The following NIPAL3 variants were observed in gnomAD, a reference collection of about 807,000 sequenced individuals.
NIPAL3 encodes NIPA-like protein 3.
In NIPAL3, 41 loss-of-function variants were observed where a neutral mutation model predicts 47.2. That is an observed-to-expected ratio of 0.87 (90% confidence interval 0.68 to 1.13). The LOEUF is 1.13. Ranked by LOEUF, NIPAL3 falls within the 50% of genes most tolerant of loss-of-function variation. The probability of loss-of-function intolerance (pLI) is 0.00; values close to 1 mark genes in which losing one functional copy is unlikely to be tolerated. For synonymous variants in NIPAL3, 194 were observed against 209.6 expected (o/e 0.93, Z 0.64); for missense variants, 449 against 530.1 (o/e 0.85, Z 1.50).
In NIPAL3 at chr1:24,470,901, A is replaced by C. The variant is rs867261530; in HGVS notation, c.*1716A>C. ...TGGGTATCAATTCAACAATATTTAT[A>C]AGGCATTTACTGTGTGCTAAGCATT... is the stretch of plus-strand genomic sequence containing the variant. On this transcript the variant is annotated 3_prime_UTR_variant, in exon 12 of 12. Transcript: ENST00000374399. 1.3e-5 allele frequency: 2 copies of C among 152,252 alleles called. No individual in the cohort carries two copies. The highest frequency in any genetic ancestry group is 3.1e-3 in the Middle Eastern group (1 of 318). 9.4% of individuals were successfully genotyped at this position (152,252 alleles called of 1,614,324 possible).
chr1:24,453,990 T>A (rs1396854500), intron 7 of NIPAL3: 1 of 458,380 alleles, frequency 2.2e-6, no homozygotes, highest in African/African-American at 2.0e-5. Flanking sequence ...AAGAGATAGC[T>A]CCTGAATCAG....
At position 24,471,953 on chromosome 1, in the gene NIPAL3, C is replaced by T. The variant is rs1260002041; in HGVS notation, c.*2768C>T. The T allele has an allele frequency of 6.7e-6, 1 of 150,340 alleles. No homozygotes were observed. The highest frequency in any genetic ancestry group is 1.9e-4 in the East Asian group (1 of 5,130). 9.3% of individuals were successfully genotyped at this position (150,340 alleles called of 1,614,324 possible). A position where few individuals can be genotyped will look rare whatever the true frequency, so the allele number is the denominator to read the frequency against. ...TTTAGATGTGTCAAACCCGGGTGAT[C>T]ATTAATAATTTGGGCATATATATGC... is the stretch of plus-strand genomic sequence containing the variant. On this transcript the variant is annotated 3_prime_UTR_variant, in exon 12 of 12. Coordinates refer to ENST00000374399, the MANE Select transcript of NIPAL3 (RefSeq NM_020448.5).
At chr1:24,461,111 A>G (rs1646448334) in intron 10 of NIPAL3, among the ~76,000 whole-genome samples, 1 of 152,256 alleles carries the variant, frequency 6.6e-6, no homozygotes, top group Non-Finnish European at 1.5e-5. Context: ...TGAAAACAAT[A>G]GAAATGCTCA....
At position 24,449,096 on chromosome 1, in the gene NIPAL3, T is replaced by A. The variant is rs2148824422; in HGVS notation, c.395-385T>A. 6.6e-6 allele frequency among the ~76,000 whole-genome samples: 1 copy of A among 152,324 alleles called. No individual in the cohort carries two copies. The highest frequency in any genetic ancestry group is 3.4e-3 in the Middle Eastern group (1 of 294). On this transcript the variant is annotated intron_variant, in intron 5 of 11. Transcript: ENST00000374399. This position sits in a 1 kb window ranked among gnomAD's most constrained non-coding sequence, Gnocchi z 4.5. The stretch of plus-strand genomic sequence containing the variant: ...GCACAAAGCTAGGCAAAGCCATCAG[T>A]GCTGTTACAGGTCAAGATAGTGTAA...
chr1:24,418,777 C>T (rs1202764429), intron 1 of NIPAL3, among the ~76,000 whole-genome samples: 3 of 152,094 alleles, frequency 2.0e-5, no homozygotes, highest in Non-Finnish European at 4.4e-5. Context: ...TTTCCACCTC[C>T]GAGACCAGTG....
intron 2 of NIPAL3, among the ~76,000 whole-genome samples, chr1:24,435,877 C>T (rs1645079502): frequency 6.6e-6 from 1 of 152,164 alleles, no homozygotes; most frequent in Admixed American, 6.5e-5. Context: ...CTTATAAAAA[C>T]AGAAATGTAT....
At chr1:24,447,420 A>T (rs1385515768) in intron 5 of NIPAL3, among the ~76,000 whole-genome samples, 1 of 152,194 alleles carries the variant, frequency 6.6e-6, no homozygotes, top group Non-Finnish European at 1.5e-5. Context: ...GAAAAATTTT[A>T]AAACAGAACT....
At chr1:24,447,837 A>C (rs1248963255) in intron 5 of NIPAL3, among the ~76,000 whole-genome samples, 4 of 152,248 alleles carry the variant, frequency 2.6e-5, no homozygotes, top group Non-Finnish European at 5.9e-5. Flanking sequence ...TGAGCAGACC[A>C]TGGGCTGGAT....
chr1:24,455,985 G>A (rs189199344), intron 7 of NIPAL3, among the ~76,000 whole-genome samples, 153 bp from the exon 8 acceptor site: 1 of 152,156 alleles, frequency 6.6e-6, no homozygotes, highest in South Asian at 2.1e-4. Context: ...CAGTGCAAAC[G>A]GCGTCTGTCA....
upstream of NIPAL3, chr1:24,413,774 G>A (rs1557470837): frequency 6.6e-6 from 1 of 152,284 alleles, no homozygotes; most frequent in Non-Finnish European, 1.5e-5. Context: ...CCGTCCGCGA[G>A]GTAACTCCAG....
intron 2 of NIPAL3, among the ~76,000 whole-genome samples, chr1:24,433,556 A>C (rs1204076469): frequency 6.6e-6 from 1 of 152,214 alleles, no homozygotes; most frequent in East Asian, 1.9e-4. Context: ...GCCCAGAGTA[A>C]ATTCCTCCTT....
intron 3 of NIPAL3, among the ~76,000 whole-genome samples, chr1:24,440,509 T>A (rs1645329610): frequency 6.6e-6 from 1 of 152,212 alleles, no homozygotes; most frequent in African/African-American, 2.4e-5. Flanking sequence ...TCTGGTCTCA[T>A]CCCTCTTTGC....
intron 3 of NIPAL3, among the ~76,000 whole-genome samples, chr1:24,441,255 C>G (rs2235557): frequency 0.21 from 32,462 of 152,116 alleles, 3,673 homozygotes; most frequent in East Asian, 0.28. Flanking sequence ...CTCTATGCAT[C>G]TCAGCTCTGG....
At chr1:24,435,040 T>C (rs1034966607) in intron 2 of NIPAL3, among the ~76,000 whole-genome samples, 5 of 152,196 alleles carry the variant, frequency 3.3e-5, no homozygotes, top group African/African-American at 1.2e-4. Context: ...GACAATATGG[T>C]ACTGGCATAA....
At chr1:24,423,228 C>T (rs1644413363) in intron 2 of NIPAL3, among the ~76,000 whole-genome samples, 1 of 152,248 alleles carries the variant, frequency 6.6e-6, no homozygotes, top group Non-Finnish European at 1.5e-5. Context: ...TATTCAGAGT[C>T]TACACCATTT....
intron 9 of NIPAL3, 51 bp downstream of exon 9, chr1:24,459,027 A>G (rs768014194): frequency 9.2e-6 from 14 of 1,526,048 alleles, no homozygotes; most frequent in Admixed American, 1.7e-5. Context: ...GCAGCAGGGT[A>G]TTATCCCAGG....
intron 2 of NIPAL3, among the ~76,000 whole-genome samples, chr1:24,420,486 C>T (rs1417598631): frequency 6.6e-6 from 1 of 151,700 alleles, no homozygotes; most frequent in African/African-American, 2.4e-5. Flanking sequence ...GCCTGGGTGA[C>T]AGAGCAAGAC....
At position 24,450,671 on chromosome 1, in the gene NIPAL3, A is replaced by AGGTT. The variant is rs555126544; in HGVS notation, c.540+1046_540+1049dup. 3.9e-5 allele frequency among the ~76,000 whole-genome samples: 6 copies of AGGTT among 152,238 alleles called. No individual in the cohort carries two copies. In the South Asian group the frequency reaches 1.2e-3, roughly 32 times the overall value. On this transcript the variant is annotated intron_variant, in intron 6 of 11. Coordinates refer to ENST00000374399, the MANE Select transcript of NIPAL3 (RefSeq NM_020448.5). The stretch of plus-strand genomic sequence containing the variant: ...TGGGTGAGAAAACCAGGGCTCTGAG[A>AGGTT]GGTTAGCTGACCTGCTCAGAGTTCA...
At position 24,415,824 on chromosome 1, in the gene NIPAL3, G is replaced by A. The variant is rs1274557189; in HGVS notation, c.-338G>A. 9.1e-6 allele frequency: 9 copies of A among 985,294 alleles called. No homozygotes were observed. The highest frequency in any genetic ancestry group is 1.1e-5 in the Non-Finnish European group (9 of 829,888). The allele number at this position is 985,294 out of a possible 1,614,324, so 61.0% of individuals were successfully genotyped here. On this transcript the variant is annotated 5_prime_UTR_variant, in exon 1 of 12. Coordinates refer to ENST00000374399, the MANE Select transcript of NIPAL3 (RefSeq NM_020448.5). ...TCTGAATTGGGAAGGGATGAAGGAG[G>A]CTGTGCCTCCGGGTTGCACGAAGAG...
Sources: gnomAD v4.1 joint callset for allele counts (sites outside exome capture counted in the v4.1 genomes callset) on GRCh38, gnomAD v4.1.1 for gene constraint, Gnocchi (gnomAD v3.1) non-coding constraint, MANE v1.5 for transcripts, NCBI Gene and HGNC (gene_info 2026-07-23, HGNC 2026-07-21) for gene names.